The following DNAH8 variants were observed in gnomAD, a reference collection of about 807,000 sequenced individuals.
The protein encoded by DNAH8 is axonemal beta dynein heavy chain 8.
A neutral mutation model predicts 562.1 loss-of-function variants in DNAH8; 382 were observed. That is an observed-to-expected ratio of 0.68 (90% CI 0.63 to 0.74). The LOEUF (loss-of-function observed/expected upper bound fraction) is 0.74, where lower values mean the gene tolerates loss of function less well. DNAH8 is among the 30% of genes least tolerant of loss of function. The probability of loss-of-function intolerance (pLI) is 0.00; values close to 1 mark genes in which losing one functional copy is unlikely to be tolerated. For missense variants in DNAH8, 5,203 were observed against 5,620.4 expected (o/e 0.93, Z 2.37); for synonymous variants, 1,881 against 1,919.4 (o/e 0.98, Z 0.52).
chr6:38,754,716 G>T (rs1284255583), intron 9 of DNAH8, among the ~76,000 whole-genome samples: 1 of 152,044 alleles, frequency 6.6e-6, no homozygotes, highest in Non-Finnish European at 1.5e-5. Context: ...TACAGCTGTT[G>T]GATCTTAGGC....
intron 22 of DNAH8, among the ~76,000 whole-genome samples, chr6:38,804,789 G>A (rs900489303): frequency 1.8e-5 from 2 of 110,124 alleles, no homozygotes. Context: ...GAGAGAGAGA[G>A]AAAGAGAAAA....
At chr6:38,891,349 T>C (rs1326214338) in intron 58 of DNAH8, among the ~76,000 whole-genome samples, 1 of 152,174 alleles carries the variant, frequency 6.6e-6, no homozygotes, top group Non-Finnish European at 1.5e-5. Context: ...TAAGTGTAGG[T>C]ATGAGATAAA....
chr6:38,898,336 C>T lies in DNAH8; in HGVS notation c.9019C>T (p.Leu3007Phe). 1 of 1,585,706 alleles carries T rather than the reference C, an allele frequency of 6.3e-7. No homozygotes were observed. Among genetic ancestry groups the T allele is most frequent in the Non-Finnish European group, 8.5e-7 (1 of 1,171,416 alleles). The change falls in exon 61 of 93, where the codon CTT becomes TTT. Residue 3007 changes from leucine (L) to phenylalanine (F), a missense_variant. Around this residue, in one of 6 missense-constraint regions of DNAH8, gnomAD observed 977 missense variants for 1,061.8 expected, o/e 0.92. Transcript: ENST00000327475. ...QFNEIIRGTS[L>F]DLVFFKDAMT... ...CAATGAAATCATTAGAGGAACATCT[C>T]TTGATCTGGTGTTTTTTAAAGATGC...
rs761888641 is a variant in DNAH8, at chr6:38,931,979, C to G, written c.11443C>G (p.Leu3815Val). 7 of 1,589,400 alleles carry G rather than the reference C, an allele frequency of 4.4e-6. No homozygotes were observed. Among genetic ancestry groups the G allele is most frequent in the Middle Eastern group, 1.7e-4 (1 of 5,954 alleles). Residue 3815 changes from leucine to valine, a missense_variant, in exon 76 of 93, where the codon CTA (leucine) becomes GTA (valine). Leu to Val is a conservative substitution (Grantham distance 32). This residue lies in a region of DNAH8 where 1,399 missense variants were observed against 1,518.4 expected (regional missense o/e 0.92). Transcript: ENST00000327475. ...LENQLLRRVILTEKQELEAER... is the reference protein window; with the variant it reads ...LENQLLRRVIVTEKQELEAER... The stretch of plus-strand genomic sequence containing the variant: ...GAATCAGTTACTAAGGAGAGTCATT[C>G]TAACAGAGAAACAGGTAATCTCTCT...
rs147878071 is a variant in DNAH8, at chr6:39,030,343, C to T, written c.14075C>T (p.Pro4692Leu). The part of the protein sequence containing the change: ...TVVYLRTVLS[P>L]DHWILRGVAL... ...GTATATTTACGAACAGTGTTGTCCCCGGATCACTGGATCCTGAGAGGAGTG... is the reference window on the plus strand; with the variant it reads ...GTATATTTACGAACAGTGTTGTCCCTGGATCACTGGATCCTGAGAGGAGTG... The change falls in exon 93 of 93, where the codon CCG becomes CTG. Residue 4692 changes from proline (P) to leucine (L), a missense_variant. By Grantham distance (98) the Pro-to-Leu change is moderately conservative (BLOSUM62 -3). This residue lies in a region of DNAH8 where 1,399 missense variants were observed against 1,518.4 expected (regional missense o/e 0.92). Transcript: ENST00000327475. 439 of 1,614,116 alleles carry T rather than the reference C, an allele frequency of 2.7e-4. 4 individuals are homozygous for T. In the East Asian group the frequency reaches 7.2e-3, roughly 27 times the overall value.
At chr6:38,744,575 A>G (rs1007786714) in intron 8 of DNAH8, among the ~76,000 whole-genome samples, 2 of 151,160 alleles carry the variant, frequency 1.3e-5, no homozygotes, top group African/African-American at 2.4e-5. Flanking sequence ...ATTGTTTTGT[A>G]CTGATTTATA....
At chr6:38,852,392 G>T (rs1775822406) in intron 39 of DNAH8, among the ~76,000 whole-genome samples, 1 of 152,100 alleles carries the variant, frequency 6.6e-6, no homozygotes, top group Non-Finnish European at 1.5e-5. Flanking sequence ...TATCTGTCGG[G>T]GGAGGAGGGG....
intron 11 of DNAH8, among the ~76,000 whole-genome samples, chr6:38,765,534 C>T (rs1005795262): frequency 1.3e-5 from 2 of 152,108 alleles, no homozygotes; most frequent in African/African-American, 4.8e-5. Flanking sequence ...TTTCCTAAGA[C>T]CATTTATTGA....
chr6:38,825,907 A>G (rs77909608), intron 28 of DNAH8, among the ~76,000 whole-genome samples: 3,872 of 152,288 alleles, frequency 0.025, 172 homozygotes, highest in African/African-American at 0.086. Flanking sequence ...AATTTCAAAA[A>G]TGCTCCCCCA....
chr6:38,906,153 C>T lies in DNAH8; in HGVS notation c.9195-101C>T, dbSNP rs112885537. On this transcript the variant is annotated intron_variant, in intron 62 of 92. Coordinates refer to ENST00000327475, the MANE Select transcript of DNAH8 (RefSeq NM_001206927.2). ...CGATCTCCTGACCTCGTGATCCACC[C>T]GCCTTGGCCTCCCAAAGTGCTGGGA... 1,231 of 592,392 alleles carry T rather than the reference C, an allele frequency of 2.1e-3. 20 individuals are homozygous for T. The highest frequency in any genetic ancestry group is 0.019 in the African/African-American group (1,040 of 53,370). 36.7% of individuals were successfully genotyped at this position (592,392 alleles called of 1,614,324 possible).
intron 82 of DNAH8, among the ~76,000 whole-genome samples, chr6:38,966,605 C>G (rs80273180): frequency 0.01 from 1,539 of 152,256 alleles, 27 homozygotes; most frequent in East Asian, 0.061. Flanking sequence ...AAACCAAATG[C>G]AGCACCATAT....
chr6:39,021,379 A>C (rs564876291), intron 91 of DNAH8, among the ~76,000 whole-genome samples: 9 of 152,316 alleles, frequency 5.9e-5, no homozygotes, highest in African/African-American at 2.2e-4. Flanking sequence ...AAGTCTGAGA[A>C]TCCCTGCCTT....
intron 62 of DNAH8, among the ~76,000 whole-genome samples, chr6:38,903,754 G>A (rs560815890): frequency 6.6e-6 from 1 of 151,592 alleles, no homozygotes; most frequent in South Asian, 2.1e-4. Flanking sequence ...TGGGATTACA[G>A]GCGAGCACCA....
intron 57 of DNAH8, among the ~76,000 whole-genome samples, chr6:38,888,031 G>A (rs1020366418): frequency 6.6e-6 from 1 of 151,670 alleles, no homozygotes; most frequent in African/African-American, 2.4e-5. Flanking sequence ...TAGAGACGGG[G>A]TTTCACCACA....
intron 47 of DNAH8, among the ~76,000 whole-genome samples, chr6:38,867,612 G>A (rs1318852075): frequency 4.6e-5 from 7 of 151,360 alleles, no homozygotes; most frequent in African/African-American, 1.7e-4. Flanking sequence ...AATTAGCCAG[G>A]CGTGGTGGCA....
intron 74 of DNAH8, chr6:38,928,263 T>C (rs1782264500): frequency 6.6e-6 from 1 of 152,232 alleles, no homozygotes; most frequent in Admixed American, 6.5e-5. Flanking sequence ...TCCAAAATAC[T>C]ATTTCAAGTT....
intron 9 of DNAH8, among the ~76,000 whole-genome samples, chr6:38,755,356 G>A (rs1765818401): frequency 6.6e-6 from 1 of 152,058 alleles, no homozygotes; most frequent in African/African-American, 2.4e-5. Flanking sequence ...TTATATCCTT[G>A]TTGTACTTGT....
intron 82 of DNAH8, among the ~76,000 whole-genome samples, chr6:38,963,794 TAAAC>T (rs1762794645): frequency 2.3e-5 from 1 of 42,704 alleles, no homozygotes; most frequent in African/African-American, 1.0e-4. Flanking sequence ...GGTCAGCAGA[TAAAC>T]AAGTGAACAA....
intron 62 of DNAH8, among the ~76,000 whole-genome samples, chr6:38,901,385 GATT>G (rs1251794802): frequency 1.3e-5 from 2 of 152,110 alleles, no homozygotes; most frequent in South Asian, 4.1e-4. Context: ...TAGGAGTTGT[GATT>G]ATTATTTTCA....
Sources: gnomAD v4.1 joint callset for allele counts (sites outside exome capture counted in the v4.1 genomes callset) on GRCh38, gnomAD v4.1.1 for gene constraint, gnomAD v4.1.1 regional missense constraint, MANE v1.5 for transcripts, NCBI Gene and HGNC (gene_info 2026-07-23, HGNC 2026-07-21) for gene names.